Variants in DOK5 observed in about 807,000 individuals in gnomAD.
DOK5 encodes downstream of tyrosine kinase 5.
DOK5 carries 27 observed loss-of-function variants against 43.3 expected under a neutral mutation model. That is an observed-to-expected ratio of 0.62 (90% CI 0.46 to 0.86). The LOEUF is 0.86. DOK5 is among the 40% of genes least tolerant of loss of function. The pLI is 0.00. For synonymous variants in DOK5, 146 were observed against 140.1 expected, an observed-to-expected ratio of 1.04 and a Z score of -0.30; for missense variants, 373 against 392.9, an observed-to-expected ratio of 0.95 and a Z score of 0.43.
chr20:54,499,327 A>G (rs1022737423), intron 1 of DOK5, among the ~76,000 whole-genome samples: 4 of 152,194 alleles, frequency 2.6e-5, no homozygotes, highest in African/African-American at 9.7e-5. Flanking sequence ...AGGCTCCAAG[A>G]ATTTGGAAGT....
intron 2 of DOK5, among the ~76,000 whole-genome samples, chr20:54,585,892 C>T (rs945609909): frequency 6.6e-5 from 10 of 152,132 alleles, no homozygotes; most frequent in Non-Finnish European, 1.3e-4. Flanking sequence ...GAGGCTGAGG[C>T]GGGCAGATCA....
intron 7 of DOK5, among the ~76,000 whole-genome samples, chr20:54,645,906 T>C (rs1979388285): frequency 8.3e-6 from 1 of 120,814 alleles, no homozygotes; most frequent in African/African-American, 3.3e-5. Context: ...GCAGAGAGCA[T>C]GGCACATAGC....
chr20:54,591,922 CTT>C lies in DOK5; in HGVS notation c.599+118_599+119del, dbSNP rs973885040. The C allele has an allele frequency of 4.8e-6, 4 of 832,748 alleles. No individual in the cohort carries two copies. In the African/African-American group the frequency reaches 5.2e-5, roughly 11 times the overall value. 51.6% of individuals were successfully genotyped at this position (832,748 alleles called of 1,614,324 possible). On this transcript the variant is annotated intron_variant, in intron 5 of 7. Coordinates refer to ENST00000262593, the MANE Select transcript of DOK5 (RefSeq NM_018431.5). ...ACATATGAGATCCAGCTGAAGTACA[CTT>C]GAGGAAATTCATAGAGTTGCGATTA...
intron 1 of DOK5, among the ~76,000 whole-genome samples, chr20:54,554,400 TG>T (rs1459368454): frequency 9.2e-5 from 14 of 152,212 alleles, no homozygotes; most frequent in Non-Finnish European, 4.4e-5. Flanking sequence ...TTCAAGTCTC[TG>T]GGTTGAATAT....
At chr20:54,616,102 A>C (rs1425537204) in intron 6 of DOK5, among the ~76,000 whole-genome samples, 2 of 152,182 alleles carry the variant, frequency 1.3e-5, no homozygotes, top group Non-Finnish European at 2.9e-5. Flanking sequence ...TAATAATAAT[A>C]ACAAAACAAG....
intron 5 of DOK5, 149 bp from the exon 6 acceptor site, chr20:54,610,239 A>G (rs1232075607): frequency 1.2e-6 from 1 of 836,638 alleles, no homozygotes; most frequent in Non-Finnish European, 1.6e-6. Flanking sequence ...CACTTTGAAC[A>G]TTCCGATTCT....
Position 54,475,779 on chromosome 20 carries a change from C to A in DOK5, c.-168C>A. On this transcript the variant is annotated 5_prime_UTR_variant, in exon 1 of 8. Coordinates refer to ENST00000262593, the MANE Select transcript of DOK5 (RefSeq NM_018431.5). The surrounding 1 kb of genome is among the most constrained non-coding windows in gnomAD (Gnocchi z 4.2). ...CCGCCCACTGTCAGGGTTGGGGGGA[C>A]AGAGAAAGTGATGTGCGCCTTCTAA... The A allele has an allele frequency of 1.3e-6, 1 of 791,656 alleles. No individual in the cohort carries two copies. The highest frequency in any genetic ancestry group is 2.4e-5 in the Admixed American group (1 of 42,138). The allele number at this position is 791,656 out of a possible 1,614,324, so 49.0% of individuals were successfully genotyped here. A position where few individuals can be genotyped will look rare whatever the true frequency, so the allele number is the denominator to read the frequency against.
At position 54,557,239 on chromosome 20, in the gene DOK5, C is replaced by T. The variant is rs183532759; in HGVS notation, c.174+2199C>T. 9.9e-5 allele frequency among the ~76,000 whole-genome samples: 15 copies of T among 152,240 alleles called. No individual in the cohort carries two copies. The East Asian group carries it at 1.9e-3, about 20-fold the overall frequency. ...CAGTGGTCCCCAACCTTTTTGGCACCGGGACAGGTATCAGGGAAGACAATT... is the reference window on the plus strand; with the variant it reads ...CAGTGGTCCCCAACCTTTTTGGCACTGGGACAGGTATCAGGGAAGACAATT... On this transcript the variant is annotated intron_variant, in intron 2 of 7. Coordinates refer to ENST00000262593, the MANE Select transcript of DOK5 (RefSeq NM_018431.5).
chr20:54,485,092 G>C (rs143855583), intron 1 of DOK5, among the ~76,000 whole-genome samples: 3 of 152,316 alleles, frequency 2.0e-5, no homozygotes, highest in African/African-American at 7.2e-5. Flanking sequence ...AGCACTTTGG[G>C]AGGCCGAGGC....
intron 1 of DOK5, among the ~76,000 whole-genome samples, chr20:54,554,535 G>C (rs28506968): frequency 1.3e-5 from 2 of 152,182 alleles, no homozygotes; most frequent in African/African-American, 4.8e-5. Context: ...CAGATTCTAG[G>C]ATGGGCAATG....
intron 6 of DOK5, among the ~76,000 whole-genome samples, chr20:54,628,879 C>T (rs2146813972): frequency 6.6e-6 from 1 of 152,282 alleles, no homozygotes; most frequent in African/African-American, 2.4e-5. Flanking sequence ...TGCACAAGCA[C>T]ATTTTTTATT....
At chr20:54,568,557 AT>A (rs1459573773) in intron 2 of DOK5, among the ~76,000 whole-genome samples, 1 of 152,132 alleles carries the variant, frequency 6.6e-6, no homozygotes, top group South Asian at 2.1e-4. Flanking sequence ...ATCGGTTTAC[AT>A]TTTTTTGCAG....
intron 1 of DOK5, among the ~76,000 whole-genome samples, chr20:54,494,002 C>G (rs1288911663): frequency 6.6e-6 from 1 of 152,044 alleles, no homozygotes; most frequent in African/African-American, 2.4e-5. Context: ...CAGTGCTTCC[C>G]TATATTACTT....
At position 54,481,024 on chromosome 20, in the gene DOK5, C is replaced by CT. The variant is rs1312256331; in HGVS notation, c.66+5012_66+5013insT. On this transcript the variant is annotated intron_variant, in intron 1 of 7. Coordinates refer to ENST00000262593, the MANE Select transcript of DOK5 (RefSeq NM_018431.5). The stretch of plus-strand genomic sequence containing the variant: ...TATCATCTATCATCTATCTATCTAT[C>CT]ATCTATCTATCATCTATCTATCATC... Among the ~76,000 whole-genome samples the CT allele has an allele frequency of 2.1e-3, 232 of 112,848 alleles. 4 individuals carry two copies. The East Asian group carries it at 0.026, about 13-fold the overall frequency. 74.0% of individuals were successfully genotyped at this position (112,848 alleles called of 152,430 possible). A position where few individuals can be genotyped will look rare whatever the true frequency, so the allele number is the denominator to read the frequency against.
In DOK5 at chr20:54,539,279, C is replaced by CAAA. The variant is rs57981823; in HGVS notation, c.67-15626_67-15624dup. On this transcript the variant is annotated intron_variant, in intron 1 of 7. Coordinates refer to ENST00000262593, the MANE Select transcript of DOK5 (RefSeq NM_018431.5). ...GGGCAACAGAGCGAGGCTCCATCTC[C>CAAA]AAAAAAAAAAAAAAAAAAAAAAAAA... 2.5e-4 allele frequency among the ~76,000 whole-genome samples: 11 copies of CAAA among 44,748 alleles called. 1 individual carries two copies. The highest frequency in any genetic ancestry group is 3.6e-4 in the Non-Finnish European group (7 of 19,228). 29.4% of individuals were successfully genotyped at this position (44,748 alleles called of 152,430 possible).
intron 1 of DOK5, among the ~76,000 whole-genome samples, chr20:54,553,258 C>G (rs1310228464): frequency 1.3e-5 from 2 of 152,098 alleles, no homozygotes; most frequent in African/African-American, 4.8e-5. Flanking sequence ...TGCAGTGGCG[C>G]CATCTCGGCT....
intron 1 of DOK5, among the ~76,000 whole-genome samples, chr20:54,501,955 A>G (rs1324949652): frequency 2.0e-5 from 3 of 152,240 alleles, no homozygotes; most frequent in Non-Finnish European, 2.9e-5. Context: ...ATGCTTGCTA[A>G]CAATGGAAAG....
chr20:54,495,585 T>C (rs180793804), intron 1 of DOK5, among the ~76,000 whole-genome samples: 127 of 152,306 alleles, frequency 8.3e-4, no homozygotes, highest in African/African-American at 3.0e-3. Context: ...TATTTTGAGA[T>C]TGATTAAAGA....
At chr20:54,476,271 C>T in intron 1 of DOK5, 5 of 915,828 alleles carry the variant, frequency 5.5e-6, no homozygotes, top group Non-Finnish European at 6.5e-6. Flanking sequence ...CCCTGGAGCC[C>T]ATCTACTCGA....
Sources: gnomAD v4.1 joint callset for allele counts (sites outside exome capture counted in the v4.1 genomes callset) on GRCh38, gnomAD v4.1.1 for gene constraint, Gnocchi (gnomAD v3.1) non-coding constraint, MANE v1.5 for transcripts, NCBI Gene and HGNC (gene_info 2026-07-23, HGNC 2026-07-21) for gene names.